The following NOVA2 variants were observed in gnomAD, a reference collection of about 807,000 sequenced individuals.
The protein encoded by NOVA2 is NOVA alternative splicing regulator 2, also known as RNA-binding protein Nova-2.
NOVA2 carries 9 observed loss-of-function variants against 22.5 expected under a neutral mutation model. The ratio of observed to expected loss-of-function variants is 0.40; its 90% CI spans 0.24 to 0.70. The LOEUF (loss-of-function observed/expected upper bound fraction) is 0.70. Among genes scored for constraint, NOVA2 ranks in the 30% least tolerant of loss-of-function variants. The probability of loss-of-function intolerance (pLI) is 0.38; values close to 1 mark genes in which losing one functional copy is unlikely to be tolerated. For synonymous variants in NOVA2, 318 were observed against 335.2 expected, an observed-to-expected ratio of 0.95 and a Z score of 0.56; for missense variants, 383 against 682.8, an observed-to-expected ratio of 0.56 and a Z score of 4.89.
chr19:45,970,312 A>G (rs1288844861), intron 1 of NOVA2, among the ~76,000 whole-genome samples: 1 of 151,920 alleles, frequency 6.6e-6, no homozygotes, highest in Non-Finnish European at 1.5e-5. Context: ...GTGATATGAA[A>G]TTGCACGTAA....
At chr19:45,964,347 T>TG (rs1968140077) in intron 1 of NOVA2, among the ~76,000 whole-genome samples, 3 of 100,638 alleles carry the variant, frequency 3.0e-5, no homozygotes, top group African/African-American at 1.1e-4. Context: ...GCCCGGCTAA[T>TG]TTGTGTGTGT....
rs141748431 is a variant in NOVA2, at chr19:45,964,561, A to ATCTCTC, written c.86-3414_86-3409dup. On this transcript the variant is annotated intron_variant, in intron 1 of 3. Transcript: ENST00000263257. Reference sequence around the variant, plus strand: ...AGAGAAACTGCTCTAACACTCTCTGATCTCTCTCTCTCTCTCTCTCTCTTT... The same window carrying ATCTCTC: ...AGAGAAACTGCTCTAACACTCTCTGATCTCTCTCTCTCTCTCTCTCTCTCTCTCTTT... 4.7e-3 allele frequency among the ~76,000 whole-genome samples: 646 copies of ATCTCTC among 137,066 alleles called. 6 individuals carry two copies. The highest frequency in any genetic ancestry group is 0.013 in the African/African-American group (464 of 36,152). The allele number at this position is 137,066 out of a possible 152,430, so 89.9% of individuals were successfully genotyped here. A position where few individuals can be genotyped will look rare whatever the true frequency, so the allele number is the denominator to read the frequency against.
intron 3 of NOVA2, 71 bp from the exon 4 acceptor site, chr19:45,941,016 A>G: frequency 4.9e-6 from 7 of 1,418,036 alleles, no homozygotes; most frequent in Admixed American, 2.5e-5. Flanking sequence ...TAGGCTGGGC[A>G]CGGTGGCTGT....
chr19:45,953,762 GTC>G lies in NOVA2; in HGVS notation c.396+16_396+17del, dbSNP rs1426238516. The G allele has an allele frequency of 1.9e-6, 3 of 1,613,952 alleles. No individual in the cohort carries two copies. In the Admixed American group the frequency reaches 5.0e-5, roughly 27 times the overall value. On this transcript the variant is annotated intron_variant, in intron 3 of 3. Coordinates refer to ENST00000263257, the MANE Select transcript of NOVA2 (RefSeq NM_002516.4). ...ATGTCAACAGCTTTACAGCAACCCAGTCTCTGCCCCAGCTGACCTGCTTGGCT... is the reference window on the plus strand; with the variant it reads ...ATGTCAACAGCTTTACAGCAACCCAGTCTGCCCCAGCTGACCTGCTTGGCT...
At chr19:45,971,896 G>A (rs189554324) in intron 1 of NOVA2, among the ~76,000 whole-genome samples, 218 of 152,008 alleles carry the variant, frequency 1.4e-3, no homozygotes, top group African/African-American at 4.9e-3. Context: ...TTCCCAGCTC[G>A]GCTTTTCTTC....
chr19:45,934,136 CT>C lies in NOVA2; in HGVS notation c.*5726del, dbSNP rs1302217373. On this transcript the variant is annotated 3_prime_UTR_variant, in exon 4 of 4. Coordinates refer to ENST00000263257, the MANE Select transcript of NOVA2 (RefSeq NM_002516.4). ...GGGCCTGGGCCTTTTAATCTAAGGA[CT>C]GGGGAGAACCAAGGGACCTTAGAGG... The C allele has an allele frequency of 6.6e-6, 1 of 152,264 alleles. No individual in the cohort carries two copies. The highest frequency in any genetic ancestry group is 2.4e-5 in the African/African-American group (1 of 41,426). The allele number at this position is 152,264 out of a possible 1,614,324, so 9.4% of individuals were successfully genotyped here. A position where few individuals can be genotyped will look rare whatever the true frequency, so the allele number is the denominator to read the frequency against.
intron 2 of NOVA2, among the ~76,000 whole-genome samples, chr19:45,958,601 GAC>G (rs1423267328): frequency 2.0e-5 from 3 of 151,560 alleles, no homozygotes; most frequent in East Asian, 1.9e-4. Context: ...GTGTGAGCAT[GAC>G]AGTGTGCGTG....
rs1407609908 is a variant in NOVA2 at position 45,940,415 on chromosome 19, C to G, written c.927G>C (p.Leu309=). 1 of 1,479,048 alleles carries G rather than the reference C, an allele frequency of 6.8e-7. No individual in the cohort carries two copies. Among genetic ancestry groups the G allele is most frequent in the South Asian group, 1.3e-5 (1 of 79,726 alleles). The allele number at this position is 1,479,048 out of a possible 1,614,324, so 91.6% of individuals were successfully genotyped here. Residue 309 remains leucine (L), a synonymous_variant, in exon 4 of 4, where the codon CTG becomes CTC. Coordinates refer to ENST00000263257, the MANE Select transcript of NOVA2 (RefSeq NM_002516.4). ...GGTTGGCCCCGGCGGCCACGGCGGCCAGGACGCCGGAAGCTGCGGCCGAGT... is the reference window on the plus strand; with the variant it reads ...GGTTGGCCCCGGCGGCCACGGCGGCGAGGACGCCGGAAGCTGCGGCCGAGT... ...GLNSAAASGV[L]AAVAAGANPA... is the part of the protein sequence containing the mutation.
intron 3 of NOVA2, among the ~76,000 whole-genome samples, chr19:45,947,298 GAC>G (rs1347335629): frequency 2.0e-5 from 3 of 151,996 alleles, no homozygotes; most frequent in Non-Finnish European, 4.4e-5. Context: ...ACTGAAGGAT[GAC>G]ACGCCCACAG....
chr19:45,950,589 A>G (rs1347567731), intron 3 of NOVA2, among the ~76,000 whole-genome samples: 1 of 152,238 alleles, frequency 6.6e-6, no homozygotes, highest in Non-Finnish European at 1.5e-5. Flanking sequence ...AAAGATCTGC[A>G]GATGCAGACT....
At chr19:45,949,517 G>C (rs562073447) in intron 3 of NOVA2, among the ~76,000 whole-genome samples, 11 of 152,196 alleles carry the variant, frequency 7.2e-5, no homozygotes, top group African/African-American at 2.6e-4. Flanking sequence ...ATAAAGTTAG[G>C]TTTTAAGAAA....
intron 1 of NOVA2, 64 bp downstream of exon 1, chr19:45,973,202 GA>G (rs1447748281): frequency 9.4e-6 from 8 of 851,910 alleles, no homozygotes; most frequent in Admixed American, 7.0e-5. Context: ...GGGAGGGGGG[GA>G]AAGGATGGAG....
In NOVA2 at chr19:45,939,932, T is replaced by C. The variant is rs1967720146; in HGVS notation, c.1410A>G (p.Gln470=). Residue 470 remains glutamine (Q), a synonymous_variant, in exon 4 of 4, where the codon CAA becomes CAG. Coordinates refer to ENST00000263257, the MANE Select transcript of NOVA2 (RefSeq NM_002516.4). ...AGGTGACCCGCTGACTGATGAGGTA[T>C]TGAGCGGCTTGCGTGGCCGCGGGGC... ...TGSPAATQAA[Q]YLISQRVTYE... 6.2e-7 allele frequency: 1 copy of C among 1,614,042 alleles called. No homozygotes were observed. Among genetic ancestry groups the C allele is most frequent in the African/African-American group, 1.3e-5 (1 of 74,944 alleles).
chr19:45,953,918 C>T lies in NOVA2; in HGVS notation c.258G>A (p.Gln86=). Residue 86 remains glutamine, a synonymous_variant, in exon 3 of 4, where the codon CAG becomes CAA. Coordinates refer to ENST00000263257, the MANE Select transcript of NOVA2 (RefSeq NM_002516.4). The part of the protein sequence containing the change: ...PGTTERVCLV[Q]GTAEALNAVH... ...CAGCATTCAAGGCCTCTGCCGTGCC[C>T]TGTACTAGGCATACCCGCTCTGTGG... is the stretch of plus-strand genomic sequence containing the variant. 1 of 1,614,166 alleles carries T rather than the reference C, an allele frequency of 6.2e-7. No individual in the cohort carries two copies. The highest frequency in any genetic ancestry group is 8.5e-7 in the Non-Finnish European group (1 of 1,180,030).
chr19:45,952,967 GC>G (rs1381817828), intron 3 of NOVA2, among the ~76,000 whole-genome samples: 2 of 152,204 alleles, frequency 1.3e-5, no homozygotes, highest in Non-Finnish European at 2.9e-5. Flanking sequence ...ACGAGCCCTC[GC>G]AAGGGGCCCT....
chr19:45,972,752 T>C (rs1968248918), intron 1 of NOVA2, among the ~76,000 whole-genome samples: 1 of 151,846 alleles, frequency 6.6e-6, no homozygotes, highest in Admixed American at 6.6e-5. Context: ...TTTCCTCCAT[T>C]TCACCCCACA....
At chr19:45,954,777 G>C (rs1230158252) in intron 2 of NOVA2, among the ~76,000 whole-genome samples, 1 of 151,598 alleles carries the variant, frequency 6.6e-6, no homozygotes, top group Non-Finnish European at 1.5e-5. Flanking sequence ...AGAGAAACTG[G>C]GGGGTATTGG....
chr19:45,958,110 CAAAAA>C (rs33945455), intron 2 of NOVA2, among the ~76,000 whole-genome samples: 1 of 87,664 alleles, frequency 1.1e-5, no homozygotes. Flanking sequence ...GACTCCGTCT[CAAAAA>C]AAAAAAAAAA....
In NOVA2 at chr19:45,938,367, G is replaced by A. The variant is rs763260400; in HGVS notation, c.*1496C>T. ...ACATTCTGATCCATCAGACATCACC[G>A]AAGTATGCCAGCTTGCTGGAAGCCA... is the stretch of plus-strand genomic sequence containing the variant. On this transcript the variant is annotated 3_prime_UTR_variant, in exon 4 of 4. Coordinates refer to ENST00000263257, the MANE Select transcript of NOVA2 (RefSeq NM_002516.4). 3.3e-5 allele frequency: 5 copies of A among 152,378 alleles called. No individual in the cohort carries two copies. Among genetic ancestry groups the A allele is most frequent in the Non-Finnish European group, 7.3e-5 (5 of 68,118 alleles). The allele number at this position is 152,378 out of a possible 1,614,324, so 9.4% of individuals were successfully genotyped here.
Sources: gnomAD v4.1 joint callset for allele counts (sites outside exome capture counted in the v4.1 genomes callset) on GRCh38, gnomAD v4.1.1 for gene constraint, MANE v1.5 for transcripts, NCBI Gene and HGNC (gene_info 2026-07-23, HGNC 2026-07-21) for gene names.